The following SLC38A12 variants were observed in gnomAD, a reference collection of about 807,000 sequenced individuals.
The protein encoded by SLC38A12 is putative sodium-coupled neutral amino acid transporter 12.
the SLC38A12 span, chr17:74,776,511 T>TGGACAGCTGGCGCC: frequency 6.6e-6 from 1 of 151,788 alleles, no homozygotes; most frequent in African/African-American, 2.4e-5. Context: ...AAGCTGGTGC[T>TGGACAGCTGGCGCC]GGACAGCTGG....
the SLC38A12 span, among the ~76,000 whole-genome samples, chr17:74,779,719 C>T: frequency 6.6e-6 from 1 of 152,224 alleles, no homozygotes; most frequent in African/African-American, 2.4e-5. Context: ...GAAACCAAGA[C>T]ACGGGGCAGG....
chr17:74,836,295 A>G, the SLC38A12 span: 1 of 1,612,566 alleles, frequency 6.2e-7, no homozygotes, highest in Non-Finnish European at 8.5e-7. The surrounding 1 kb of genome is among the most constrained non-coding windows in gnomAD (Gnocchi z 4.2). Flanking sequence ...CACCATCAGC[A>G]CCAACTTCCC....
the SLC38A12 span, chr17:74,790,268 G>T: frequency 6.2e-7 from 1 of 1,614,106 alleles, no homozygotes; most frequent in Non-Finnish European, 8.5e-7. Flanking sequence ...ACTACGAGCG[G>T]GCAGAGAAGC....
the SLC38A12 span, chr17:74,785,631 G>A: frequency 3.1e-6 from 5 of 1,607,956 alleles, no homozygotes; most frequent in Admixed American, 8.4e-5. Flanking sequence ...CTTCCCCACA[G>A]GGGCCAGGAG....
At chr17:74,829,560 A>G in the SLC38A12 span, among the ~76,000 whole-genome samples, 10 of 152,074 alleles carry the variant, frequency 6.6e-5, no homozygotes, top group Admixed American at 6.6e-4. This position sits in a 1 kb window ranked among gnomAD's most constrained non-coding sequence, Gnocchi z 4.1. Flanking sequence ...TGCCACCTTC[A>G]GGGAGAGCGT....
chr17:74,798,719 C>G, the SLC38A12 span, among the ~76,000 whole-genome samples: 12 of 152,342 alleles, frequency 7.9e-5, no homozygotes, highest in African/African-American at 2.6e-4. Context: ...CTGCTATCAG[C>G]TGACCTTGGA....
chr17:74,813,160 A>G, the SLC38A12 span, among the ~76,000 whole-genome samples: 1 of 152,180 alleles, frequency 6.6e-6, no homozygotes, highest in East Asian at 1.9e-4. Context: ...GGATGAGAAC[A>G]AAAGCGTCGC....
At chr17:74,831,487 T>G in the SLC38A12 span, among the ~76,000 whole-genome samples, 1 of 152,188 alleles carries the variant, frequency 6.6e-6, no homozygotes, top group Non-Finnish European at 1.5e-5. Flanking sequence ...CTGCCTCCCC[T>G]TGTCATTTTG....
chr17:74,786,723 C>A, the SLC38A12 span, among the ~76,000 whole-genome samples: 1 of 152,138 alleles, frequency 6.6e-6, no homozygotes, highest in Non-Finnish European at 1.5e-5. Flanking sequence ...GATAGGAAAA[C>A]GCCCATGGTT....
chr17:74,785,574 C>T, the SLC38A12 span: 2 of 1,614,102 alleles, frequency 1.2e-6, no homozygotes, highest in South Asian at 1.1e-5. Context: ...TTGTCAGCCT[C>T]GTCCTGCTGG....
chr17:74,778,523 A>G, the SLC38A12 span, among the ~76,000 whole-genome samples: 1 of 151,976 alleles, frequency 6.6e-6, no homozygotes, highest in African/African-American at 2.4e-5. Flanking sequence ...CATTTCCTTC[A>G]CAGCTGGAAG....
At chr17:74,809,205 G>A in the SLC38A12 span, among the ~76,000 whole-genome samples, 1 of 152,210 alleles carries the variant, frequency 6.6e-6, no homozygotes, top group Non-Finnish European at 1.5e-5. Context: ...GTTTTTCTTG[G>A]CTCTGTTTCC....
chr17:74,795,166 A>G, the SLC38A12 span: 2 of 1,451,308 alleles, frequency 1.4e-6, no homozygotes, highest in South Asian at 2.3e-5. Flanking sequence ...TTCCTCAGCA[A>G]GTCAGGGCAG....
chr17:74,802,098 C>T, the SLC38A12 span, among the ~76,000 whole-genome samples: 1 of 152,186 alleles, frequency 6.6e-6, no homozygotes, highest in African/African-American at 2.4e-5. Flanking sequence ...TGGGTGACGC[C>T]TCCCTGAGTC....
chr17:74,816,285 G>T, the SLC38A12 span, among the ~76,000 whole-genome samples: 1 of 152,234 alleles, frequency 6.6e-6, no homozygotes. Flanking sequence ...CCCCCAGTTT[G>T]TGGTCATCTG....
chr17:74,818,650 A>G, the SLC38A12 span, among the ~76,000 whole-genome samples: 6 of 152,274 alleles, frequency 3.9e-5, no homozygotes, highest in South Asian at 2.1e-4. Flanking sequence ...CGACTCCCCA[A>G]GTGGGCCCGC....
the SLC38A12 span, among the ~76,000 whole-genome samples, chr17:74,807,121 CCG>C: frequency 6.6e-6 from 1 of 151,314 alleles, no homozygotes; most frequent in Non-Finnish European, 1.5e-5. Flanking sequence ...CCACCCCACC[CCG>C]CCAGTGTCAT....
the SLC38A12 span, among the ~76,000 whole-genome samples, chr17:74,823,206 G>A: frequency 4.7e-4 from 71 of 152,312 alleles, no homozygotes; most frequent in African/African-American, 1.6e-3. Flanking sequence ...TGGGGAGCTC[G>A]GGGTTGGAAA....
chr17:74,817,613 A>G, the SLC38A12 span, among the ~76,000 whole-genome samples: 3 of 152,076 alleles, frequency 2.0e-5, no homozygotes, highest in Non-Finnish European at 2.9e-5. Context: ...GCTGGGATTC[A>G]TCCATACAGG....
Sources: allele counts gnomAD v4.1 joint callset (sites outside exome capture counted in the v4.1 genomes callset), GRCh38; gene constraint gnomAD v4.1.1; non-coding constraint Gnocchi (gnomAD v3.1); transcripts MANE v1.5; gene names NCBI Gene and HGNC (gene_info 2026-07-23, HGNC 2026-07-21).